The following RHOU variants were observed in gnomAD, a reference collection of about 807,000 sequenced individuals.
The protein encoded by RHOU is rho-related GTP-binding protein RhoU.
A neutral mutation model predicts 12.6 loss-of-function variants in RHOU; 8 were observed. The ratio of observed to expected loss-of-function variants is 0.64; its 90% CI spans 0.37 to 1.15. The LOEUF (loss-of-function observed/expected upper bound fraction) is 1.15. Among genes scored for constraint, RHOU ranks in the 50% most tolerant of loss-of-function variants. The pLI is 0.01. For synonymous variants in RHOU, 161 were observed against 147.4 expected (o/e 1.09, Z -0.67); for missense variants, 258 against 347.0 (o/e 0.74, Z 2.04).
upstream of RHOU, among the ~76,000 whole-genome samples, chr1:228,733,379 C>T (rs980849552): frequency 7.2e-5 from 11 of 152,198 alleles, no homozygotes; most frequent in African/African-American, 2.7e-4. Context: ...TGATCAAGGG[C>T]TCACTGGAGC....
chr1:228,708,011 G>A, the RHOU span, among the ~76,000 whole-genome samples: 1 of 152,202 alleles, frequency 6.6e-6, no homozygotes, highest in African/African-American at 2.4e-5. Flanking sequence ...CATGAAGAAT[G>A]CAGAAGCCTC....
chr1:228,707,251 ATATAGTGTGTGTGTGTGTGTGT>A, the RHOU span, among the ~76,000 whole-genome samples: 4 of 96,636 alleles, frequency 4.1e-5, no homozygotes, highest in Admixed American at 1.1e-4. Flanking sequence ...ATATATATAT[ATATAGTGTGTGTGTGTGTGTGT>A]GTGTGTGTGT....
the RHOU span, among the ~76,000 whole-genome samples, chr1:228,725,083 GA>G: frequency 6.6e-6 from 1 of 152,146 alleles, no homozygotes. Context: ...AAAAGGAAAA[GA>G]AAATTGGTAT....
At chr1:228,680,689 G>A in the RHOU span, among the ~76,000 whole-genome samples, 3 of 152,120 alleles carry the variant, frequency 2.0e-5, no homozygotes, top group South Asian at 4.1e-4. Flanking sequence ...TAAGAATAAG[G>A]TGACCTTCTG....
At chr1:228,733,498 G>C (rs1000556028), upstream of RHOU, among the ~76,000 whole-genome samples, 5 of 152,156 alleles carry the variant, frequency 3.3e-5, no homozygotes, top group Admixed American at 6.5e-5. Context: ...GTAGAGACAG[G>C]GTTTCGCCAT....
the RHOU span, among the ~76,000 whole-genome samples, chr1:228,648,565 C>A: frequency 6.6e-6 from 1 of 152,156 alleles, no homozygotes; most frequent in African/African-American, 2.4e-5. Context: ...CACCCAGAGC[C>A]GTTTCTTTAA....
At chr1:228,649,660 C>T in the RHOU span, among the ~76,000 whole-genome samples, 1 of 152,246 alleles carries the variant, frequency 6.6e-6, no homozygotes, top group South Asian at 2.1e-4. Flanking sequence ...CAAGCTTTCC[C>T]GGGATCACAT....
the RHOU span, among the ~76,000 whole-genome samples, chr1:228,715,035 C>CTGTGAGAGTGCCAAAGAACAGAGCA: frequency 6.6e-6 from 1 of 152,000 alleles, no homozygotes; most frequent in Non-Finnish European, 1.5e-5. Flanking sequence ...AGCCACCGCG[C>CTGTGAGAGTGCCAAAGAACAGAGCA]CTGGCCAATT....
the RHOU span, among the ~76,000 whole-genome samples, chr1:228,669,345 C>A: frequency 1.3e-5 from 2 of 152,098 alleles, no homozygotes; most frequent in African/African-American, 4.8e-5. Context: ...AGGCCTCAGG[C>A]ATTGCCTGGG....
chr1:228,667,017 T>G, the RHOU span, among the ~76,000 whole-genome samples: 2 of 152,246 alleles, frequency 1.3e-5, no homozygotes, highest in African/African-American at 4.8e-5. Context: ...TATTATTTTT[T>G]AACTATCGAA....
chr1:228,724,185 T>C, the RHOU span, among the ~76,000 whole-genome samples: 4 of 152,158 alleles, frequency 2.6e-5, no homozygotes, highest in Non-Finnish European at 2.9e-5. Flanking sequence ...ATGTAGTGGG[T>C]GCTTAATAAA....
chr1:228,696,443 C>G, the RHOU span, among the ~76,000 whole-genome samples: 277 of 151,526 alleles, frequency 1.8e-3, 2 homozygotes, highest in African/African-American at 6.5e-3. Context: ...CTTTTTTTGT[C>G]TCCTTGGAAG....
chr1:228,672,151 G>T, the RHOU span, among the ~76,000 whole-genome samples: 5 of 152,178 alleles, frequency 3.3e-5, no homozygotes, highest in Non-Finnish European at 7.3e-5. Flanking sequence ...TGATATAATT[G>T]CATTTTCATA....
chr1:228,671,712 CAAAAAAAAA>C, the RHOU span, among the ~76,000 whole-genome samples: 5 of 65,262 alleles, frequency 7.7e-5, no homozygotes, highest in South Asian at 8.2e-4. Flanking sequence ...GACTCCATCT[CAAAAAAAAA>C]AAAAAAAAAA....
At chr1:228,681,285 G>T in the RHOU span, among the ~76,000 whole-genome samples, 3 of 152,156 alleles carry the variant, frequency 2.0e-5, no homozygotes, top group African/African-American at 7.2e-5. Context: ...ACCAGACCGG[G>T]TGTGGGAAGG....
chr1:228,666,788 A>G, the RHOU span, among the ~76,000 whole-genome samples: 1 of 152,216 alleles, frequency 6.6e-6, no homozygotes, highest in African/African-American at 2.4e-5. Context: ...GCTTTTGGAT[A>G]AATATCCAGC....
At chr1:228,704,659 C>G in the RHOU span, among the ~76,000 whole-genome samples, 1 of 151,516 alleles carries the variant, frequency 6.6e-6, no homozygotes, top group Admixed American at 6.6e-5. Flanking sequence ...TGGGGTGTCC[C>G]CATATTGGCC....
chr1:228,730,473 T>G, the RHOU span, among the ~76,000 whole-genome samples: 1 of 152,178 alleles, frequency 6.6e-6, no homozygotes, highest in Non-Finnish European at 1.5e-5. Flanking sequence ...TGGGCACCGC[T>G]GTGTCCATCC....
the RHOU span, among the ~76,000 whole-genome samples, chr1:228,699,416 C>G: frequency 7.8e-6 from 1 of 128,820 alleles, no homozygotes; most frequent in East Asian, 2.4e-4. Context: ...CCACTGCATT[C>G]CAGCCTGGGT....
Sources: gnomAD v4.1 joint callset for allele counts (sites outside exome capture counted in the v4.1 genomes callset) on GRCh38, gnomAD v4.1.1 for gene constraint, MANE v1.5 for transcripts, NCBI Gene and HGNC (gene_info 2026-07-23, HGNC 2026-07-21) for gene names.